The following ITSN2 variants were observed in gnomAD, a reference collection of about 807,000 sequenced individuals.
The protein encoded by ITSN2 is intersectin 2, also known as intersectin-2.
ITSN2 carries 156 observed loss-of-function variants against 243.7 expected under a neutral mutation model. That is an observed-to-expected ratio of 0.64 (90% CI 0.56 to 0.73). The LOEUF is 0.73. Among genes scored for constraint, ITSN2 ranks in the 30% least tolerant of loss-of-function variants. ITSN2 has a pLI of 0.00. For missense variants in ITSN2, 1,801 were observed against 1,996.1 expected, an observed-to-expected ratio of 0.90 and a Z score of 1.86; for synonymous variants, 703 against 699.9, an observed-to-expected ratio of 1.00 and a Z score of -0.07.
chr2:24,277,569 AGTGGTTACAATATATAGAGAAGCAAG>A (rs1178345399), intron 17 of ITSN2, among the ~76,000 whole-genome samples: 1 of 152,232 alleles, frequency 6.6e-6, no homozygotes, highest in Non-Finnish European at 1.5e-5. Flanking sequence ...AGAAGAATAT[AGTGGTTACAATATATAGAGAAGCAAG>A]GTGGTTTAGT....
intron 25 of ITSN2, among the ~76,000 whole-genome samples, chr2:24,250,010 G>T (rs570957922): frequency 6.6e-6 from 1 of 152,226 alleles, no homozygotes; most frequent in East Asian, 1.9e-4. Context: ...GTTCTTCACC[G>T]CCATGCACTC....
intron 10 of ITSN2, 122 bp from the exon 11 acceptor site, chr2:24,301,361 A>G: frequency 1.9e-6 from 1 of 521,138 alleles, no homozygotes; most frequent in Non-Finnish European, 3.5e-6. Flanking sequence ...GATATTTAAA[A>G]CAGTTTGGTA....
At chr2:24,231,012 A>ACCCGC (rs74277507) in intron 29 of ITSN2, among the ~76,000 whole-genome samples, 9 of 152,038 alleles carry the variant, frequency 5.9e-5, no homozygotes, top group African/African-American at 9.7e-5. Flanking sequence ...CAGGTGCAAA[A>ACCCGC]TCTGCCCAGA....
intron 1 of ITSN2, among the ~76,000 whole-genome samples, chr2:24,338,329 G>A (rs1434758955): frequency 6.6e-6 from 1 of 152,030 alleles, no homozygotes; most frequent in Non-Finnish European, 1.5e-5. Context: ...CCTCCCCTTC[G>A]AGTTGTCCCA....
intron 12 of ITSN2, 110 bp downstream of exon 12, chr2:24,299,799 G>C (rs1681488904): frequency 2.3e-6 from 2 of 883,170 alleles, no homozygotes; most frequent in Non-Finnish European, 3.4e-6. Flanking sequence ...AAATGATGCA[G>C]AGCAAAAGGC....
intron 32 of ITSN2, among the ~76,000 whole-genome samples, chr2:24,213,356 T>G (rs1200930057): frequency 2.0e-5 from 3 of 152,198 alleles, no homozygotes; most frequent in Non-Finnish European, 4.4e-5. Flanking sequence ...CACATCCTAC[T>G]TGCCTCTACC....
chr2:24,289,685 A>AT (rs1439518782), intron 15 of ITSN2, among the ~76,000 whole-genome samples: 5 of 152,264 alleles, frequency 3.3e-5, no homozygotes, highest in African/African-American at 7.2e-5. Flanking sequence ...ACCAGATCTT[A>AT]GATCAAGCTT....
At position 24,216,233 on chromosome 2, in the gene ITSN2, C is replaced by G; in HGVS notation, c.3807-1G>C. Reference sequence around the variant, plus strand: ...GGTCTTCTTCCGCACCCGCAAAGCCCTGCCAAGAACACACTCTCATTTTGT... The same window carrying G: ...GGTCTTCTTCCGCACCCGCAAAGCCGTGCCAAGAACACACTCTCATTTTGT... On this transcript the variant is annotated splice_acceptor_variant, in intron 31 of 39. Transcript: ENST00000355123. LOFTEE classifies it high-confidence loss of function. The G allele has an allele frequency of 1.9e-6, 3 of 1,586,188 alleles. No individual in the cohort carries two copies. The highest frequency in any genetic ancestry group is 2.6e-6 in the Non-Finnish European group (3 of 1,165,936).
intron 2 of ITSN2, 110 bp from the exon 3 acceptor site, chr2:24,315,334 T>C (rs1455606358): frequency 3.7e-5 from 22 of 594,866 alleles, no homozygotes; most frequent in Admixed American, 3.1e-4. Context: ...TATTTAATAT[T>C]TGAGTGACAC....
At chr2:24,253,091 G>C (rs1224461374) in intron 24 of ITSN2, among the ~76,000 whole-genome samples, 1 of 152,142 alleles carries the variant, frequency 6.6e-6, no homozygotes, top group Admixed American at 6.5e-5. Flanking sequence ...GACCTCAAGG[G>C]AAATATCTAA....
At chr2:24,297,389 TCAAA>T (rs1040581229) in intron 13 of ITSN2, among the ~76,000 whole-genome samples, 101 of 152,276 alleles carry the variant, frequency 6.6e-4, no homozygotes, top group African/African-American at 2.4e-3. Context: ...ACCACACATT[TCAAA>T]CAAAGTCTTT....
At chr2:24,224,636 CTT>C (rs148181209) in intron 29 of ITSN2, among the ~76,000 whole-genome samples, 121 of 144,932 alleles carry the variant, frequency 8.3e-4, no homozygotes, top group East Asian at 1.4e-3. Flanking sequence ...GGCTCTTCAA[CTT>C]TTTTTTTTTT....
At chr2:24,220,468 C>T (rs912464623) in intron 30 of ITSN2, 2 of 991,724 alleles carry the variant, frequency 2.0e-6, no homozygotes, top group Non-Finnish European at 2.4e-6. Context: ...ACAATATGCT[C>T]CCATTGGGTT....
chr2:24,321,068 G>T (rs1684518630), intron 2 of ITSN2, among the ~76,000 whole-genome samples: 1 of 152,180 alleles, frequency 6.6e-6, no homozygotes, highest in African/African-American at 2.4e-5. Flanking sequence ...AATTCTCCAT[G>T]AGTTTCTCAT....
rs184446407 is a variant in ITSN2, at chr2:24,262,614, T to C, written c.2356-872A>G. ...GCCTCAAGTTTCATCACTGGCTTTC[T>C]TTCCTCATTCTATACCCTTCCTGAA... On this transcript the variant is annotated intron_variant, in intron 20 of 39. Coordinates refer to ENST00000355123, the MANE Select transcript of ITSN2 (RefSeq NM_006277.3). Among the ~76,000 whole-genome samples the C allele has an allele frequency of 9.3e-4, 142 of 152,338 alleles. 1 individual carries two copies. Among genetic ancestry groups the C allele is most frequent in the African/African-American group, 3.2e-3 (131 of 41,578 alleles).
At chr2:24,344,235 G>T (rs1378423329) in intron 1 of ITSN2, among the ~76,000 whole-genome samples, 7 of 152,136 alleles carry the variant, frequency 4.6e-5, no homozygotes, top group African/African-American at 1.7e-4. Flanking sequence ...ACGGTTTCCA[G>T]TTTTTTGCCT....
At chr2:24,209,725 G>T (rs979648727) in intron 35 of ITSN2, 93 bp downstream of exon 35, 7 of 1,003,246 alleles carry the variant, frequency 7.0e-6, no homozygotes, top group Non-Finnish European at 1.1e-5. Flanking sequence ...GGAGGGTCCC[G>T]TAAGGCCAGC....
intron 20 of ITSN2, among the ~76,000 whole-genome samples, chr2:24,263,816 A>G (rs1408268158): frequency 2.6e-5 from 4 of 152,176 alleles, no homozygotes; most frequent in African/African-American, 9.7e-5. Flanking sequence ...GTTGGTAGAC[A>G]TTAAAGTTTT....
intron 17 of ITSN2, among the ~76,000 whole-genome samples, chr2:24,282,712 C>A (rs549514535): frequency 6.6e-6 from 1 of 152,310 alleles, no homozygotes; most frequent in Non-Finnish European, 1.5e-5. Flanking sequence ...CAGGGGAGCA[C>A]TGAAGAAGTG....
Sources: allele counts gnomAD v4.1 joint callset (sites outside exome capture counted in the v4.1 genomes callset), GRCh38; gene constraint gnomAD v4.1.1; transcripts MANE v1.5; gene names NCBI Gene and HGNC (gene_info 2026-07-23, HGNC 2026-07-21).